CLMP: variants seen among roughly 807,000 people sequenced by gnomAD.
The protein encoded by CLMP is CXADR-like membrane protein.
A neutral mutation model predicts 45.2 loss-of-function variants in CLMP; 27 were observed. The observed-to-expected ratio is 0.60, with a 90% confidence interval of 0.44 to 0.82. The LOEUF is 0.82. Among genes scored for constraint, CLMP ranks in the 40% least tolerant of loss-of-function variants. CLMP has a pLI of 0.00. For missense variants in CLMP, 403 were observed against 448.4 expected, an observed-to-expected ratio of 0.90 and a Z score of 0.91; for synonymous variants, 167 against 171.4, an observed-to-expected ratio of 0.97 and a Z score of 0.20.
intron 1 of CLMP, 108 bp from the exon 2 acceptor site, chr11:123,098,060 T>C: frequency 1.1e-6 from 1 of 923,748 alleles, no homozygotes; most frequent in Non-Finnish European, 1.5e-6. Context: ...CAAGTGCATG[T>C]GGAGGGGTTG....
At chr11:123,077,426 G>A (rs765823164) in intron 5 of CLMP, among the ~76,000 whole-genome samples, 1 of 152,136 alleles carries the variant, frequency 6.6e-6, no homozygotes, top group African/African-American at 2.4e-5. Flanking sequence ...CTGCCTCCCG[G>A]GTTCAAGTGA....
chr11:123,178,088 C>T (rs1305574326), intron 1 of CLMP, among the ~76,000 whole-genome samples: 5 of 152,082 alleles, frequency 3.3e-5, no homozygotes, highest in South Asian at 4.2e-4. Flanking sequence ...TGGTCTCGAA[C>T]TCCTGACCTC....
rs34392557 is a variant in CLMP, at chr11:123,102,707, C to CTTT, written c.29-4758_29-4756dup. Among the ~76,000 whole-genome samples, 148 of 93,288 alleles carry CTTT rather than the reference C, an allele frequency of 1.6e-3. 1 individual carries two copies. Among genetic ancestry groups the CTTT allele is most frequent in the South Asian group, 7.1e-3 (16 of 2,250 alleles). 61.2% of individuals were successfully genotyped at this position (93,288 alleles called of 152,430 possible). ...TCTCCTGCCTCAGCCTCCCGAGTAGCTTTTTTTTTTTTTTTTTTTTTGTAT... is the reference window on the plus strand; with the variant it reads ...TCTCCTGCCTCAGCCTCCCGAGTAGCTTTTTTTTTTTTTTTTTTTTTTTTGTAT... On this transcript the variant is annotated intron_variant, in intron 1 of 6. Transcript: ENST00000448775.
At chr11:123,126,272 A>G (rs1860893960) in intron 1 of CLMP, among the ~76,000 whole-genome samples, 1 of 152,112 alleles carries the variant, frequency 6.6e-6, no homozygotes, top group African/African-American at 2.4e-5. Context: ...TCTTCTTTGT[A>G]TTTACACAGT....
intron 1 of CLMP, among the ~76,000 whole-genome samples, chr11:123,169,862 A>T (rs1400132652): frequency 2.6e-5 from 4 of 152,170 alleles, no homozygotes; most frequent in Admixed American, 6.5e-5. Flanking sequence ...CCTCCAAGTT[A>T]TAGGTAGATT....
intron 2 of CLMP, among the ~76,000 whole-genome samples, chr11:123,092,016 T>C (rs1865936528): frequency 6.6e-6 from 1 of 152,148 alleles, no homozygotes; most frequent in Non-Finnish European, 1.5e-5. Context: ...AGATCTCGGC[T>C]TTGATTACAC....
At chr11:123,106,120 T>C (rs77859246) in intron 1 of CLMP, among the ~76,000 whole-genome samples, 8 of 151,892 alleles carry the variant, frequency 5.3e-5, no homozygotes, top group African/African-American at 1.9e-4. Context: ...CCTGCTATTA[T>C]GAGATTTTAT....
At chr11:123,116,448 A>G (rs949668928) in intron 1 of CLMP, among the ~76,000 whole-genome samples, 1 of 151,980 alleles carries the variant, frequency 6.6e-6, no homozygotes, top group African/African-American at 2.4e-5. Flanking sequence ...GGCACCTGTA[A>G]TCCCAGCTAC....
At chr11:123,147,329 A>G (rs1861252996) in intron 1 of CLMP, among the ~76,000 whole-genome samples, 1 of 152,170 alleles carries the variant, frequency 6.6e-6, no homozygotes, top group South Asian at 2.1e-4. Context: ...CTCCACCTGG[A>G]AAAACCTGTC....
At chr11:123,173,548 G>A (rs965661813) in intron 1 of CLMP, among the ~76,000 whole-genome samples, 1 of 152,180 alleles carries the variant, frequency 6.6e-6, no homozygotes, top group African/African-American at 2.4e-5. Flanking sequence ...TCATCTTGAG[G>A]TTTGGGGTGA....
At chr11:123,100,265 C>T (rs536539073) in intron 1 of CLMP, among the ~76,000 whole-genome samples, 2 of 151,952 alleles carry the variant, frequency 1.3e-5, no homozygotes, top group South Asian at 4.2e-4. Context: ...CCTGTAATCC[C>T]AGCTACTCCA....
intron 1 of CLMP, chr11:123,136,377 G>A (rs1254347299): frequency 3.7e-6 from 2 of 538,252 alleles, no homozygotes; most frequent in Admixed American, 2.4e-5. Context: ...GCCGGGTTCA[G>A]GTTGCCATGA....
intron 1 of CLMP, among the ~76,000 whole-genome samples, chr11:123,163,066 G>T (rs1233405776): frequency 6.6e-6 from 1 of 152,140 alleles, no homozygotes; most frequent in Non-Finnish European, 1.5e-5. Context: ...GCTGAAGGAA[G>T]GGGAGATTAG....
chr11:123,168,322 C>T (rs939607537), intron 1 of CLMP, among the ~76,000 whole-genome samples: 1 of 152,258 alleles, frequency 6.6e-6, no homozygotes, highest in Non-Finnish European at 1.5e-5. Context: ...GGCACTCCAG[C>T]TTTGACCAGA....
chr11:123,150,563 AGGAAGGAAGGAAGGAAG>A (rs1861319926), intron 1 of CLMP, among the ~76,000 whole-genome samples: 1 of 119,502 alleles, frequency 8.4e-6, no homozygotes, highest in Non-Finnish European at 1.7e-5. Context: ...AAGGAAGGAA[AGGAAGGAAGGAAGGAAG>A]GAAAGGAAGG....
chr11:123,073,539 G>A lies in CLMP; in HGVS notation c.1057C>T (p.Leu353=). The A allele has an allele frequency of 6.2e-7, 1 of 1,614,210 alleles. No individual in the cohort carries two copies. Among genetic ancestry groups the A allele is most frequent in the East Asian group, 2.2e-5 (1 of 44,876 alleles). The change falls in exon 7 of 7, where the codon CTG becomes TTG. Residue 353 remains leucine, a synonymous_variant. Transcript: ENST00000448775. Reference sequence around the variant, plus strand: ...CTGGGTGTGGTTTCTGCTTTGGTCAGATTAGCATGGTGGACTTTCTTTGGT... The same window carrying A: ...CTGGGTGTGGTTTCTGCTTTGGTCAAATTAGCATGGTGGACTTTCTTTGGT... ...SEPKKVHHAN[L]TKAETTPSMI...
intron 1 of CLMP, among the ~76,000 whole-genome samples, chr11:123,113,603 C>A (rs1017881593): frequency 2.0e-5 from 3 of 152,174 alleles, no homozygotes; most frequent in Non-Finnish European, 4.4e-5. Flanking sequence ...TTTGGCAGAT[C>A]GGAACATCAC....
chr11:123,092,264 G>A (rs1865939311), intron 2 of CLMP, among the ~76,000 whole-genome samples: 1 of 133,862 alleles, frequency 7.5e-6, no homozygotes, highest in Non-Finnish European at 1.5e-5. Flanking sequence ...CTAAAATCTT[G>A]TCTCCACACA....
At chr11:123,074,554 T>TC (rs1247602709) in intron 6 of CLMP, 148 bp downstream of exon 6, 1 of 766,564 alleles carries the variant, frequency 1.3e-6, no homozygotes, top group East Asian at 2.5e-5. Flanking sequence ...ATACCCTCTG[T>TC]CCCTAGGCTG....
Sources: gnomAD v4.1 joint callset for allele counts (sites outside exome capture counted in the v4.1 genomes callset) on GRCh38, gnomAD v4.1.1 for gene constraint, MANE v1.5 for transcripts, NCBI Gene and HGNC (gene_info 2026-07-23, HGNC 2026-07-21) for gene names.